USP6NL: variants seen among roughly 807,000 people sequenced by gnomAD.
USP6NL encodes USP6 N-terminal-like protein.
A neutral mutation model predicts 61.9 loss-of-function variants in USP6NL; 26 were observed. The observed-to-expected ratio is 0.42, with a 90% confidence interval of 0.31 to 0.58. The LOEUF is 0.58. Ranked by LOEUF, USP6NL falls within the 20% of genes least tolerant of loss-of-function variation. USP6NL has a pLI of 0.16. For synonymous variants in USP6NL, 432 were observed against 390.1 expected (o/e 1.11, Z -1.27); for missense variants, 1,114 against 1,034.3 (o/e 1.08, Z -1.06).
chr10:11,610,732 A>G (rs921340445), intron 1 of USP6NL, among the ~76,000 whole-genome samples: 4 of 151,994 alleles, frequency 2.6e-5, no homozygotes, highest in Admixed American at 6.6e-5. Context: ...CGGTCTAAAA[A>G]GCATCTATCT....
At chr10:11,466,943 A>C (rs1336851949) in intron 14 of USP6NL, among the ~76,000 whole-genome samples, 2 of 152,230 alleles carry the variant, frequency 1.3e-5, no homozygotes, top group East Asian at 1.9e-4. Flanking sequence ...CTGTTGACCG[A>C]AAGTTCATTA....
rs1296037669 is a variant in USP6NL at position 11,611,443 on chromosome 10, C to G, written c.-84G>C. 6.5e-6 allele frequency: 1 copy of G among 153,274 alleles called. No homozygotes were observed. Among genetic ancestry groups the G allele is most frequent in the African/African-American group, 2.4e-5 (1 of 41,380 alleles). 9.5% of individuals were successfully genotyped at this position (153,274 alleles called of 1,614,324 possible). A position where few individuals can be genotyped will look rare whatever the true frequency, so the allele number is the denominator to read the frequency against. ...GCGGGAGCTGAGGAATGGAAGTTACCTCAGTACGGTCCCGACTGCTAGGCT... is the reference window on the plus strand; with the variant it reads ...GCGGGAGCTGAGGAATGGAAGTTACGTCAGTACGGTCCCGACTGCTAGGCT... On this transcript the variant is annotated splice_region_variant and 5_prime_UTR_variant, in exon 1 of 15. Coordinates refer to ENST00000609104, the MANE Select transcript of USP6NL (RefSeq NM_014688.5). The surrounding 1 kb of genome is among the most constrained non-coding windows in gnomAD (Gnocchi z 5.3).
chr10:11,525,276 G>T lies in USP6NL; in HGVS notation c.155+110C>A. 1 of 847,028 alleles carries T rather than the reference G, an allele frequency of 1.2e-6. No homozygotes were observed. The highest frequency in any genetic ancestry group is 1.8e-6 in the Non-Finnish European group (1 of 561,056). 52.5% of individuals were successfully genotyped at this position (847,028 alleles called of 1,614,324 possible). ...TTTAGTATCAAAACGCATATTGTAA[G>T]ACTATTCCTTATTCACAGCAATTAT... On this transcript the variant is annotated intron_variant, in intron 4 of 14. Coordinates refer to ENST00000609104, the MANE Select transcript of USP6NL (RefSeq NM_014688.5). This position sits in a 1 kb window ranked among gnomAD's most constrained non-coding sequence, Gnocchi z 5.0.
At chr10:11,464,436 TCTA>T (rs1832358103) in intron 14 of USP6NL, among the ~76,000 whole-genome samples, 4 of 152,314 alleles carry the variant, frequency 2.6e-5, no homozygotes, top group African/African-American at 9.6e-5. Flanking sequence ...AGTGCAGGGC[TCTA>T]CTATTTTCCC....
chr10:11,609,386 T>C (rs1342512781), intron 1 of USP6NL, among the ~76,000 whole-genome samples: 1 of 152,128 alleles, frequency 6.6e-6, no homozygotes, highest in African/African-American at 2.4e-5. Flanking sequence ...TTTTCAAAAA[T>C]CACATTGAAG....
chr10:11,588,092 T>C (rs1243391320), intron 2 of USP6NL, among the ~76,000 whole-genome samples: 1 of 152,238 alleles, frequency 6.6e-6, no homozygotes, highest in East Asian at 1.9e-4. Context: ...GAACCCTCCA[T>C]CATCCATCAT....
At chr10:11,577,939 T>C (rs557877802) in intron 2 of USP6NL, among the ~76,000 whole-genome samples, 1 of 120,316 alleles carries the variant, frequency 8.3e-6, no homozygotes, top group South Asian at 2.3e-4. Flanking sequence ...GAAAAAAAAA[T>C]ACAGGTGATG....
intron 2 of USP6NL, among the ~76,000 whole-genome samples, chr10:11,533,819 T>C (rs911469592): frequency 2.0e-5 from 3 of 152,182 alleles, no homozygotes; most frequent in African/African-American, 4.8e-5. Flanking sequence ...TTACTGCCTA[T>C]GAAATGTCTC....
intron 2 of USP6NL, among the ~76,000 whole-genome samples, chr10:11,527,798 T>A (rs1835480715): frequency 6.6e-6 from 1 of 152,206 alleles, no homozygotes; most frequent in Non-Finnish European, 1.5e-5. Flanking sequence ...TAGGACATGA[T>A]AAATCTTATC....
intron 5 of USP6NL, among the ~76,000 whole-genome samples, chr10:11,514,160 G>GACAGGGCGCATATCATGTTCCTT (rs1346091855): frequency 7.2e-6 from 1 of 138,374 alleles, no homozygotes; most frequent in African/African-American, 2.7e-5. Context: ...TATACTTTGA[G>GACAGGGCGCATATCATGTTCCTT]ACAGGGCGCA....
chr10:11,543,414 C>T lies in USP6NL; in HGVS notation c.5-15847G>A, dbSNP rs553081719. Among the ~76,000 whole-genome samples the T allele has an allele frequency of 4.3e-3, 661 of 152,072 alleles. 3 individuals are homozygous for T. Among genetic ancestry groups the T allele is most frequent in the African/African-American group, 0.015 (638 of 41,478 alleles). ...AAAATTAGCCAGGCATGGTGGCAGG[C>T]GCCTGTACTCCCAGCTACTTGGGAG... On this transcript the variant is annotated intron_variant, in intron 2 of 14. Transcript: ENST00000609104.
At chr10:11,545,628 T>C (rs1406799878) in intron 2 of USP6NL, among the ~76,000 whole-genome samples, 3 of 152,224 alleles carry the variant, frequency 2.0e-5, no homozygotes, top group Non-Finnish European at 2.9e-5. Flanking sequence ...TCAAATATCT[T>C]GAAAATATAA....
At position 11,487,066 on chromosome 10, in the gene USP6NL, A is replaced by G. The variant is rs1274977902; in HGVS notation, c.665-1155T>C. ...GTTTCATTAAAAAAAAAAAATCCGT[A>G]TCTATCAGTGCCACTTTCATAGTCA... is the stretch of plus-strand genomic sequence containing the variant. On this transcript the variant is annotated intron_variant, in intron 10 of 14. Transcript: ENST00000609104. This position sits in a 1 kb window ranked among gnomAD's most constrained non-coding sequence, Gnocchi z 4.2. 2.6e-5 allele frequency among the ~76,000 whole-genome samples: 4 copies of G among 152,154 alleles called. No individual in the cohort carries two copies. Among genetic ancestry groups the G allele is most frequent in the Non-Finnish European group, 5.9e-5 (4 of 68,020 alleles).
intron 1 of USP6NL, among the ~76,000 whole-genome samples, chr10:11,609,487 T>C (rs1282514868): frequency 6.6e-6 from 1 of 152,256 alleles, no homozygotes; most frequent in Non-Finnish European, 1.5e-5. Flanking sequence ...AGTGAAATTG[T>C]GAACATAAAC....
At position 11,495,910 on chromosome 10, in the gene USP6NL, G is replaced by T. The variant is rs1265910367; in HGVS notation, c.385-2682C>A. On this transcript the variant is annotated intron_variant, in intron 7 of 14. Coordinates refer to ENST00000609104, the MANE Select transcript of USP6NL (RefSeq NM_014688.5). This position sits in a 1 kb window ranked among gnomAD's most constrained non-coding sequence, Gnocchi z 4.6. ...AGGCTTCCTGACTGTGATCCTGCTC[G>T]TGGAGGCATGTGGCCAAGCAGTTGG... is the stretch of plus-strand genomic sequence containing the variant. Among the ~76,000 whole-genome samples, 2 of 152,194 alleles carry T rather than the reference G, an allele frequency of 1.3e-5. No individual in the cohort carries two copies. Among genetic ancestry groups the T allele is most frequent in the African/African-American group, 2.4e-5 (1 of 41,450 alleles).
Position 11,518,126 on chromosome 10 carries a change from C to T in USP6NL, c.195+409G>A, listed in dbSNP as rs1234761847. On this transcript the variant is annotated intron_variant, in intron 5 of 14. Coordinates refer to ENST00000609104, the MANE Select transcript of USP6NL (RefSeq NM_014688.5). The surrounding 1 kb of genome is among the most constrained non-coding windows in gnomAD (Gnocchi z 5.3). ...TTACTAAAATCTCCTGGAACAGTCACATTTCAAAGAACTGCTGGTCTTAGA... is the reference window on the plus strand; with the variant it reads ...TTACTAAAATCTCCTGGAACAGTCATATTTCAAAGAACTGCTGGTCTTAGA... Among the ~76,000 whole-genome samples, 2 of 152,226 alleles carry T rather than the reference C, an allele frequency of 1.3e-5. No homozygotes were observed. Among genetic ancestry groups the T allele is most frequent in the East Asian group, 3.8e-4 (2 of 5,202 alleles).
At chr10:11,604,104 C>T (rs1361175525) in intron 1 of USP6NL, among the ~76,000 whole-genome samples, 1 of 152,144 alleles carries the variant, frequency 6.6e-6, no homozygotes, top group East Asian at 1.9e-4. Flanking sequence ...AATTTTCAGC[C>T]TACCTACCAC....
chr10:11,501,555 T>G (rs932247991), intron 6 of USP6NL, among the ~76,000 whole-genome samples: 6 of 152,198 alleles, frequency 3.9e-5, no homozygotes, highest in African/African-American at 7.2e-5. Flanking sequence ...ATGGTATAAT[T>G]AACTTCTTAC....
chr10:11,526,890 C>T lies in USP6NL; in HGVS notation c.72+610G>A, dbSNP rs549502086. ...GGATAAAACGTTAATGGAAATTATA[C>T]ACACTTGTATAAATTCAAAATCTAA... On this transcript the variant is annotated intron_variant, in intron 3 of 14. Transcript: ENST00000609104. 9.2e-5 allele frequency among the ~76,000 whole-genome samples: 14 copies of T among 152,224 alleles called. No homozygotes were observed. The East Asian group carries it at 2.7e-3, about 29-fold the overall frequency.
Sources: gnomAD v4.1 joint callset for allele counts (sites outside exome capture counted in the v4.1 genomes callset) on GRCh38, gnomAD v4.1.1 for gene constraint, Gnocchi (gnomAD v3.1) non-coding constraint, MANE v1.5 for transcripts, NCBI Gene and HGNC (gene_info 2026-07-23, HGNC 2026-07-21) for gene names.